Variants in BRINP3 observed in about 807,000 individuals in gnomAD.
BRINP3 encodes BMP/retinoic acid-inducible neural-specific protein 3.
BRINP3 carries 19 observed loss-of-function variants against 71.0 expected under a neutral mutation model. The ratio of observed to expected loss-of-function variants is 0.27; its 90% CI spans 0.19 to 0.39. BRINP3 has a LOEUF of 0.39. Among genes scored for constraint, BRINP3 ranks in the 10% least tolerant of loss-of-function variants. BRINP3 has a pLI of 1.00. For missense variants in BRINP3, 959 were observed against 940.8 expected, an observed-to-expected ratio of 1.02 and a Z score of -0.25; for synonymous variants, 380 against 337.7, an observed-to-expected ratio of 1.13 and a Z score of -1.37.
chr1:190,366,100 G>T (rs1273878619), intron 2 of BRINP3, among the ~76,000 whole-genome samples: 2 of 145,544 alleles, frequency 1.4e-5, no homozygotes, highest in Non-Finnish European at 3.1e-5. Flanking sequence ...TCGAATAATT[G>T]GAAATTTTTC....
intron 2 of BRINP3, among the ~76,000 whole-genome samples, chr1:190,399,217 C>A (rs1671773635): frequency 6.6e-6 from 1 of 151,902 alleles, no homozygotes; most frequent in Admixed American, 6.6e-5. Flanking sequence ...TAATTAAAAA[C>A]ACACCCTCAA....
chr1:190,118,407 G>A (rs1653330912), intron 7 of BRINP3, among the ~76,000 whole-genome samples: 1 of 151,994 alleles, frequency 6.6e-6, no homozygotes, highest in Admixed American at 6.6e-5. Context: ...ATAAATAAAT[G>A]TTTCATAAGG....
intron 1 of BRINP3, 43 bp downstream of exon 1, chr1:190,477,405 G>A (rs977873952): frequency 6.6e-6 from 1 of 152,138 alleles, no homozygotes; most frequent in African/African-American, 2.4e-5. Context: ...ATTAAAAATA[G>A]CAATAGTTAA....
At position 190,098,746 on chromosome 1, in the gene BRINP3, A is replaced by G. The variant is rs1467933974; in HGVS notation, c.1573T>C (p.Phe525Leu). ...ISNDMRLNSW[F>L]DPSWRKRMLL... ...ATCCGCTTACGCCAGGAGGGATCAA[A>G]CCAGCTATTGAGGCGCATGTCATTG... is the stretch of plus-strand genomic sequence containing the variant. The change falls in exon 8 of 8, where the codon TTT becomes CTT. Residue 525 changes from phenylalanine to leucine, a missense_variant. Transcript: ENST00000367462. 1 of 1,614,082 alleles carries G rather than the reference A, an allele frequency of 6.2e-7. No homozygotes were observed. The highest frequency in any genetic ancestry group is 8.5e-7 in the Non-Finnish European group (1 of 1,180,044).
chr1:190,379,694 T>C (rs142138511), intron 2 of BRINP3, among the ~76,000 whole-genome samples: 1 of 151,846 alleles, frequency 6.6e-6, no homozygotes, highest in Non-Finnish European at 1.5e-5. Flanking sequence ...AATAAAGAAA[T>C]CTGTAGGTTA....
chr1:190,111,131 T>C (rs1571725778), intron 7 of BRINP3, among the ~76,000 whole-genome samples: 2 of 137,844 alleles, frequency 1.5e-5, no homozygotes, highest in East Asian at 2.2e-4. Context: ...TCAGCCGAGA[T>C]TGGGCCACTG....
At chr1:190,203,242 CT>C (rs1277682945) in intron 6 of BRINP3, among the ~76,000 whole-genome samples, 1 of 151,854 alleles carries the variant, frequency 6.6e-6, no homozygotes, top group Non-Finnish European at 1.5e-5. Flanking sequence ...CAACATAGTA[CT>C]TTAAAGGCTT....
intron 2 of BRINP3, among the ~76,000 whole-genome samples, chr1:190,345,755 A>G (rs1361979836): frequency 6.7e-6 from 1 of 150,014 alleles, no homozygotes; most frequent in African/African-American, 2.4e-5. Context: ...AAATAGGTGG[A>G]ACTCCTTATT....
intron 6 of BRINP3, among the ~76,000 whole-genome samples, chr1:190,199,082 G>T (rs574180300): frequency 6.6e-6 from 1 of 152,116 alleles, no homozygotes; most frequent in Admixed American, 6.6e-5. Context: ...TTACATGATG[G>T]CAGGCAAGAG....
chr1:190,202,006 G>A (rs901744555), intron 6 of BRINP3, among the ~76,000 whole-genome samples: 1 of 152,240 alleles, frequency 6.6e-6, no homozygotes, highest in South Asian at 2.1e-4. Context: ...TGAGAAGAGG[G>A]CCACCACCCT....
In BRINP3 at chr1:190,477,570, A is replaced by G. The variant is rs2102736444; in HGVS notation, c.-173T>C. ...CTGCAGGGTAGTAGGACTTTAAAATAATCAGCAGTTCCTGGTGGCATGTAA... is the reference window on the plus strand; with the variant it reads ...CTGCAGGGTAGTAGGACTTTAAAATGATCAGCAGTTCCTGGTGGCATGTAA... On this transcript the variant is annotated 5_prime_UTR_variant, in exon 1 of 8. Transcript: ENST00000367462. 1 of 152,308 alleles carries G rather than the reference A, an allele frequency of 6.6e-6. No individual in the cohort carries two copies. The highest frequency in any genetic ancestry group is 1.5e-5 in the Non-Finnish European group (1 of 68,034). The allele number at this position is 152,308 out of a possible 1,614,324, so 9.4% of individuals were successfully genotyped here. A position where few individuals can be genotyped will look rare whatever the true frequency, so the allele number is the denominator to read the frequency against.
At chr1:190,329,546 G>GA (rs1666829024) in intron 2 of BRINP3, among the ~76,000 whole-genome samples, 1 of 151,814 alleles carries the variant, frequency 6.6e-6, no homozygotes, top group Non-Finnish European at 1.5e-5. Flanking sequence ...AGAAACAAAT[G>GA]AAAAAACATT....
At chr1:190,389,231 T>C (rs1671095349) in intron 2 of BRINP3, among the ~76,000 whole-genome samples, 1 of 151,590 alleles carries the variant, frequency 6.6e-6, no homozygotes, top group South Asian at 2.1e-4. Context: ...AAATTTGATG[T>C]TTGTACATGA....
chr1:190,259,914 G>A (rs1446046368), intron 4 of BRINP3, among the ~76,000 whole-genome samples: 1 of 151,628 alleles, frequency 6.6e-6, no homozygotes, highest in African/African-American at 2.4e-5. Flanking sequence ...CTTAGTCCCA[G>A]CTACTTGGGA....
chr1:190,290,619 T>G (rs1663786365), intron 2 of BRINP3, among the ~76,000 whole-genome samples: 1 of 152,142 alleles, frequency 6.6e-6, no homozygotes. Flanking sequence ...AACTTTTACT[T>G]CATCATTGAA....
intron 6 of BRINP3, among the ~76,000 whole-genome samples, chr1:190,189,904 C>T (rs920519684): frequency 2.0e-5 from 3 of 152,114 alleles, no homozygotes; most frequent in Admixed American, 1.3e-4. Context: ...AAAAGCCCTG[C>T]ATTTATTTCA....
intron 2 of BRINP3, among the ~76,000 whole-genome samples, chr1:190,432,696 T>A (rs1033570961): frequency 6.6e-6 from 1 of 152,182 alleles, no homozygotes; most frequent in Non-Finnish European, 1.5e-5. Flanking sequence ...AGAGGCATGA[T>A]CCTGTTTTCA....
chr1:190,439,426 A>G (rs1309056524), intron 2 of BRINP3, among the ~76,000 whole-genome samples: 1 of 151,892 alleles, frequency 6.6e-6, no homozygotes. Flanking sequence ...ACTATTTTAT[A>G]TTTAACCAAA....
chr1:190,454,726 A>G lies in BRINP3; in HGVS notation c.165T>C (p.His55=). 1.2e-6 allele frequency: 2 copies of G among 1,614,120 alleles called. No homozygotes were observed. Among genetic ancestry groups the G allele is most frequent in the Non-Finnish European group, 1.7e-6 (2 of 1,180,028 alleles). Residue 55 remains histidine (H), a synonymous_variant, in exon 2 of 8, where the codon CAT becomes CAC. Coordinates refer to ENST00000367462, the MANE Select transcript of BRINP3 (RefSeq NM_199051.3). Reference sequence around the variant, plus strand: ...CAAAATCTGTGTATTCCTGTGAGCGATGGAAGGGTCCCTTATCAGAGAGGA... The same window carrying G: ...CAAAATCTGTGTATTCCTGTGAGCGGTGGAAGGGTCCCTTATCAGAGAGGA... The part of the protein sequence containing the change: ...DWLLSDKGPF[H]RSQEYTDFVD...
Sources: gnomAD v4.1 joint callset for allele counts (sites outside exome capture counted in the v4.1 genomes callset) on GRCh38, gnomAD v4.1.1 for gene constraint, MANE v1.5 for transcripts, NCBI Gene and HGNC (gene_info 2026-07-23, HGNC 2026-07-21) for gene names.